Variants in ADAM32 observed in about 807,000 individuals in gnomAD.
ADAM32 encodes disintegrin and metalloproteinase domain-containing protein 32.
In ADAM32, 89 loss-of-function variants were observed where a neutral mutation model predicts 114.9. The observed-to-expected ratio is 0.77, with a 90% CI of 0.65 to 0.92. The LOEUF (loss-of-function observed/expected upper bound fraction) is 0.92. Among genes scored for constraint, ADAM32 ranks in the 40% least tolerant of loss-of-function variants. The probability of loss-of-function intolerance (pLI) is 0.00; values close to 1 mark genes in which losing one functional copy is unlikely to be tolerated. For synonymous variants in ADAM32, 285 were observed against 307.5 expected (o/e 0.93, Z 0.77); for missense variants, 870 against 932.8 (o/e 0.93, Z 0.88).
intron 16 of ADAM32, among the ~76,000 whole-genome samples, chr8:39,235,098 T>C (rs1474772235): frequency 4.6e-5 from 7 of 152,130 alleles, no homozygotes. Flanking sequence ...CCAGGATCTG[T>C]AAATAATAAA....
intron 7 of ADAM32, 43 bp downstream of exon 7, chr8:39,161,008 A>AATGT (rs766704268): frequency 1.4e-6 from 2 of 1,481,218 alleles, no homozygotes; most frequent in South Asian, 2.6e-5. Context: ...ATTTGATCCA[A>AATGT]ATGTATGATT....
chr8:39,124,122 C>T (rs1281340050), intron 2 of ADAM32, among the ~76,000 whole-genome samples: 3 of 151,890 alleles, frequency 2.0e-5, no homozygotes, highest in Non-Finnish European at 4.4e-5. Flanking sequence ...CATATCATCC[C>T]ATCACCTAGG....
chr8:39,196,875 T>A (rs1398774962), intron 11 of ADAM32, among the ~76,000 whole-genome samples: 1 of 152,076 alleles, frequency 6.6e-6, no homozygotes. Flanking sequence ...TAGTGAGAAT[T>A]TCCTTTTCTT....
At position 39,127,048 on chromosome 8, in the gene ADAM32, A is replaced by G. The variant is rs1019874273; in HGVS notation, c.138+8883A>G. 3.3e-5 allele frequency among the ~76,000 whole-genome samples: 5 copies of G among 152,064 alleles called. 1 individual carries two copies. The highest frequency in any genetic ancestry group is 1.2e-4 in the African/African-American group (5 of 41,392). On this transcript the variant is annotated intron_variant, in intron 2 of 24. Coordinates refer to ENST00000379907, the MANE Select transcript of ADAM32 (RefSeq NM_145004.7). The stretch of plus-strand genomic sequence containing the variant: ...TTGATCATGGTGGATAAGCTTTTGG[A>G]TATGCAGGTGGATTCAGTTTGCCAG...
At chr8:39,124,582 T>TA (rs1364387887) in intron 2 of ADAM32, among the ~76,000 whole-genome samples, 1 of 152,028 alleles carries the variant, frequency 6.6e-6, no homozygotes, top group Non-Finnish European at 1.5e-5. Flanking sequence ...CATGCCCAGC[T>TA]AATTTTTGTA....
At position 39,214,819 on chromosome 8, in the gene ADAM32, G is replaced by C. The variant is rs535020179; in HGVS notation, c.1233+3495G>C. On this transcript the variant is annotated intron_variant, in intron 12 of 24. Transcript: ENST00000379907. Reference sequence around the variant, plus strand: ...TTTTCTTGTAGTAGTTTCATAGTTTGAGGTGTTAGATTTAAGTCTTTACTA... The same window carrying C: ...TTTTCTTGTAGTAGTTTCATAGTTTCAGGTGTTAGATTTAAGTCTTTACTA... 3.3e-5 allele frequency among the ~76,000 whole-genome samples: 5 copies of C among 152,150 alleles called. No homozygotes were observed. The South Asian group carries it at 8.3e-4, about 25-fold the overall frequency.
chr8:39,153,992 G>C (rs1313036770), intron 6 of ADAM32, among the ~76,000 whole-genome samples: 1 of 145,538 alleles, frequency 6.9e-6, no homozygotes, highest in African/African-American at 2.5e-5. Flanking sequence ...AGTGTTGGAG[G>C]AAAGAAAAAC....
chr8:39,138,726 C>G (rs1162736116), intron 3 of ADAM32, among the ~76,000 whole-genome samples: 1 of 152,094 alleles, frequency 6.6e-6, no homozygotes, highest in Admixed American at 6.5e-5. Context: ...ATTTCTAGTT[C>G]TAGATCCTTG....
At chr8:39,272,414 A>G (rs1396916791) in intron 20 of ADAM32, among the ~76,000 whole-genome samples, 2 of 152,188 alleles carry the variant, frequency 1.3e-5, no homozygotes, top group Admixed American at 6.5e-5. Context: ...TTGTGCGAAC[A>G]TCACAGAGTG....
At chr8:39,216,157 T>C (rs1221239763) in intron 12 of ADAM32, among the ~76,000 whole-genome samples, 2 of 152,076 alleles carry the variant, frequency 1.3e-5, no homozygotes, top group African/African-American at 2.4e-5. Flanking sequence ...TATAATGACC[T>C]TCTTTGTCTC....
At chr8:39,125,945 C>T (rs1324390225) in intron 2 of ADAM32, among the ~76,000 whole-genome samples, 1 of 152,158 alleles carries the variant, frequency 6.6e-6, no homozygotes, top group Non-Finnish European at 1.5e-5. Context: ...TTGTGTTTGT[C>T]AGGTTTGTCA....
At chr8:39,203,018 C>G (rs1426954797) in intron 11 of ADAM32, among the ~76,000 whole-genome samples, 2 of 152,152 alleles carry the variant, frequency 1.3e-5, no homozygotes, top group African/African-American at 2.4e-5. Context: ...AATTTCTATT[C>G]TTTTACATTT....
chr8:39,180,716 G>A (rs987234219), intron 10 of ADAM32, among the ~76,000 whole-genome samples: 4 of 152,292 alleles, frequency 2.6e-5, no homozygotes, highest in Admixed American at 2.6e-4. Context: ...TCTAGCTCAG[G>A]GTTTGTGAGT....
Position 39,246,100 on chromosome 8 carries a change from A to T in ADAM32, c.1836A>T (p.Glu612Asp). Residue 612 changes from glutamate to aspartate, a missense_variant, in exon 17 of 25, where the codon GAA becomes GAT. Transcript: ENST00000379907. ...CDIGRVCVNR[E>D]CVESRIIKAS... is the part of the protein sequence containing the mutation. ...TTCTTTAGGTTTGTGTAAATCGTGA[A>T]TGTGTAGAATCAAGGATAATTAAGG... 1 of 1,613,526 alleles carries T rather than the reference A, an allele frequency of 6.2e-7. No homozygotes were observed. Among genetic ancestry groups the T allele is most frequent in the East Asian group, 2.2e-5 (1 of 44,802 alleles).
chr8:39,135,296 G>T (rs1007118221), intron 2 of ADAM32, among the ~76,000 whole-genome samples: 5 of 152,148 alleles, frequency 3.3e-5, no homozygotes, highest in Non-Finnish European at 7.3e-5. Context: ...CAGGGTTAGG[G>T]TTTTCTCTTT....
At chr8:39,273,697 G>C (rs1463656600) in intron 20 of ADAM32, among the ~76,000 whole-genome samples, 1 of 152,188 alleles carries the variant, frequency 6.6e-6, no homozygotes, top group Non-Finnish European at 1.5e-5. Flanking sequence ...TTCAGCCTCA[G>C]CTCCTGTTTA....
intron 16 of ADAM32, among the ~76,000 whole-genome samples, chr8:39,236,016 A>G (rs1810114004): frequency 6.6e-6 from 1 of 152,214 alleles, no homozygotes; most frequent in African/African-American, 2.4e-5. Context: ...ATTTTTTAAA[A>G]AAGTATTATT....
chr8:39,151,437 A>T lies in ADAM32; in HGVS notation c.414A>T (p.Glu138Asp), dbSNP rs577458983. 6.2e-7 allele frequency: 1 copy of T among 1,605,894 alleles called. No individual in the cohort carries two copies. Among genetic ancestry groups the T allele is most frequent in the Non-Finnish European group, 8.5e-7 (1 of 1,177,504 alleles). ...YGIEPLESAV[E>D]FQHVLYKLKN... is the part of the protein sequence containing the mutation. ...TTGAGCCTCTGGAATCTGCAGTTGA[A>T]TTTCAGCATGTTCTTTACAAATTAA... is the stretch of plus-strand genomic sequence containing the variant. The change falls in exon 6 of 25, where the codon GAA becomes GAT. Residue 138 changes from glutamate (E) to aspartate (D), a missense_variant. Physicochemically the swap from Glu to Asp is conservative, Grantham distance 45. Transcript: ENST00000379907.
chr8:39,176,108 A>C (rs1805511104), intron 10 of ADAM32, among the ~76,000 whole-genome samples: 1 of 151,844 alleles, frequency 6.6e-6, no homozygotes, highest in Admixed American at 6.6e-5. Flanking sequence ...TGGTTTATCT[A>C]TTATATTAAT....
Sources: allele counts gnomAD v4.1 joint callset (sites outside exome capture counted in the v4.1 genomes callset), GRCh38; gene constraint gnomAD v4.1.1; transcripts MANE v1.5; gene names NCBI Gene and HGNC (gene_info 2026-07-23, HGNC 2026-07-21).